The following MOB3B variants were observed in gnomAD, a reference collection of about 807,000 sequenced individuals.
MOB3B encodes the protein MOB kinase activator 3B, also known as MOB kinase activator-like 2B.
MOB3B carries 7 observed loss-of-function variants against 18.7 expected under a neutral mutation model. The observed-to-expected ratio is 0.37, with a 90% CI of 0.21 to 0.70. The LOEUF (loss-of-function observed/expected upper bound fraction) is 0.70, where lower values mean the gene tolerates loss of function less well. MOB3B is among the 30% of genes least tolerant of loss of function. The pLI, the probability that MOB3B is intolerant of heterozygous loss-of-function variation, is 0.52. For missense variants in MOB3B, 253 were observed against 281.3 expected, an observed-to-expected ratio of 0.90 and a Z score of 0.72; for synonymous variants, 111 against 99.9, an observed-to-expected ratio of 1.11 and a Z score of -0.66.
chr9:27,483,090 CA>C (rs1819684904), intron 1 of MOB3B, among the ~76,000 whole-genome samples: 1 of 146,314 alleles, frequency 6.8e-6, no homozygotes, highest in Non-Finnish European at 1.5e-5. Context: ...TGACAATTAC[CA>C]AATGTTTAAG....
At chr9:27,449,597 A>G (rs1342827991) in intron 2 of MOB3B, among the ~76,000 whole-genome samples, 4 of 152,352 alleles carry the variant, frequency 2.6e-5, no homozygotes, top group South Asian at 4.1e-4. Flanking sequence ...TACTGTAAAT[A>G]TATTTTGTTG....
chr9:27,403,555 C>T (rs1244435979), intron 2 of MOB3B, among the ~76,000 whole-genome samples: 1 of 101,722 alleles, frequency 9.8e-6, no homozygotes, highest in Non-Finnish European at 1.8e-5. Flanking sequence ...TTTTAAGAGA[C>T]AGGGTCTTAC....
intron 1 of MOB3B, among the ~76,000 whole-genome samples, chr9:27,524,101 A>C (rs1054048623): frequency 6.9e-6 from 1 of 144,774 alleles, no homozygotes; most frequent in Non-Finnish European, 1.5e-5. Context: ...CTCATTTTTC[A>C]GGGAAAAAAA....
intron 2 of MOB3B, among the ~76,000 whole-genome samples, chr9:27,426,479 C>T (rs544139671): frequency 2.0e-5 from 3 of 152,272 alleles, no homozygotes; most frequent in African/African-American, 7.2e-5. Flanking sequence ...ACACAGAGGT[C>T]CAGGCAGGTG....
intron 1 of MOB3B, among the ~76,000 whole-genome samples, chr9:27,463,843 C>T (rs1387211659): frequency 6.6e-6 from 1 of 151,972 alleles, no homozygotes; most frequent in Non-Finnish European, 1.5e-5. Flanking sequence ...GTAGTCCCAG[C>T]TACTTGGGAG....
Position 27,337,807 on chromosome 9 carries a change from G to A in MOB3B, c.622-7191C>T, listed in dbSNP as rs141700341. Among the ~76,000 whole-genome samples, 10 of 152,310 alleles carry A rather than the reference G, an allele frequency of 6.6e-5. No individual in the cohort carries two copies. The East Asian group carries it at 1.9e-3, about 29-fold the overall frequency. ...TGTTGTCAAAAGAATCCCAAGGCAAGGGCAGGTGTGCTTTCAGGGGCTGTG... is the reference window on the plus strand; with the variant it reads ...TGTTGTCAAAAGAATCCCAAGGCAAAGGCAGGTGTGCTTTCAGGGGCTGTG... On this transcript the variant is annotated intron_variant, in intron 3 of 3. Coordinates refer to ENST00000262244, the MANE Select transcript of MOB3B (RefSeq NM_024761.5).
chr9:27,510,048 T>C (rs1264229165), intron 1 of MOB3B, among the ~76,000 whole-genome samples: 1 of 152,166 alleles, frequency 6.6e-6, no homozygotes, highest in Non-Finnish European at 1.5e-5. Context: ...TGTAACAGAT[T>C]TGAGTAACAC....
chr9:27,359,388 G>GGGT, intron 2 of MOB3B, 152 bp from the exon 3 acceptor site: 1 of 600,398 alleles, frequency 1.7e-6, no homozygotes, highest in Non-Finnish European at 2.9e-6. Flanking sequence ...TGGGGGGGGG[G>GGGT]GGTTGGTAGC....
Position 27,441,400 on chromosome 9 carries a change from T to C in MOB3B, c.418+13733A>G, listed in dbSNP as rs74471540. On this transcript the variant is annotated intron_variant, in intron 2 of 3. Coordinates refer to ENST00000262244, the MANE Select transcript of MOB3B (RefSeq NM_024761.5). The stretch of plus-strand genomic sequence containing the variant: ...ATGGCTTCTCTTTGGCATATCTGAA[T>C]TGCTGGCATCACTACTCTTGCACTT... Among the ~76,000 whole-genome samples, 8 of 152,278 alleles carry C rather than the reference T, an allele frequency of 5.3e-5. No homozygotes were observed. The East Asian group carries it at 1.5e-3, about 29-fold the overall frequency.
intron 3 of MOB3B, among the ~76,000 whole-genome samples, chr9:27,357,888 C>CGA (rs1821215129): frequency 1.7e-5 from 1 of 57,944 alleles, no homozygotes; most frequent in Non-Finnish European, 3.2e-5. Flanking sequence ...CCCATCGCTA[C>CGA]AAAAAAAAAA....
At chr9:27,470,911 G>GT (rs1156276800) in intron 1 of MOB3B, among the ~76,000 whole-genome samples, 9 of 151,968 alleles carry the variant, frequency 5.9e-5, no homozygotes, top group Non-Finnish European at 5.9e-5. Flanking sequence ...TCTTTTGTTT[G>GT]TTTGTTTTTT....
chr9:27,349,834 T>G lies in MOB3B; in HGVS notation c.621+9200A>C, dbSNP rs371652368. 4.6e-5 allele frequency among the ~76,000 whole-genome samples: 7 copies of G among 152,256 alleles called. No homozygotes were observed. The East Asian group carries it at 9.7e-4, about 21-fold the overall frequency. The stretch of plus-strand genomic sequence containing the variant: ...GCTTAGCAAAGAGAAGCAACCATAC[T>G]AGGGGGCTTAAACAATGAACGGAAA... On this transcript the variant is annotated intron_variant, in intron 3 of 3. Coordinates refer to ENST00000262244, the MANE Select transcript of MOB3B (RefSeq NM_024761.5).
intron 2 of MOB3B, among the ~76,000 whole-genome samples, chr9:27,426,221 C>T (rs1335982335): frequency 6.6e-6 from 1 of 152,176 alleles, no homozygotes; most frequent in Non-Finnish European, 1.5e-5. Context: ...AGAGCCCACA[C>T]TCTTAATTTG....
intron 1 of MOB3B, among the ~76,000 whole-genome samples, chr9:27,492,484 G>T (rs1234056170): frequency 6.6e-6 from 1 of 152,216 alleles, no homozygotes; most frequent in Non-Finnish European, 1.5e-5. Flanking sequence ...CCAGCGAAAT[G>T]CTGCCCAAGT....
intron 2 of MOB3B, among the ~76,000 whole-genome samples, chr9:27,445,370 A>T (rs1332403968): frequency 6.6e-6 from 1 of 152,154 alleles, no homozygotes; most frequent in Non-Finnish European, 1.5e-5. Context: ...TTACGTAAGG[A>T]GAGGAGCAGA....
At chr9:27,468,723 T>G (rs779043224) in intron 1 of MOB3B, among the ~76,000 whole-genome samples, 2 of 152,238 alleles carry the variant, frequency 1.3e-5, no homozygotes, top group Non-Finnish European at 2.9e-5. Flanking sequence ...GTGGTTAAAC[T>G]GTGTATCTAA....
intron 3 of MOB3B, among the ~76,000 whole-genome samples, chr9:27,353,021 G>A (rs915638431): frequency 1.3e-5 from 2 of 152,146 alleles, no homozygotes; most frequent in Non-Finnish European, 2.9e-5. Context: ...GAGCTCTCTT[G>A]GCAAACACTG....
At chr9:27,441,462 C>T (rs1587216836) in intron 2 of MOB3B, among the ~76,000 whole-genome samples, 1 of 152,116 alleles carries the variant, frequency 6.6e-6, no homozygotes, top group Admixed American at 6.5e-5. Context: ...GTTCCTTGAA[C>T]ACAAGCTCTG....
chr9:27,461,787 G>A (rs1819292884), intron 1 of MOB3B, among the ~76,000 whole-genome samples: 1 of 152,184 alleles, frequency 6.6e-6, no homozygotes. Context: ...CACTGTAGCA[G>A]CAGCAACAGC....
Sources: gnomAD v4.1 joint callset for allele counts (sites outside exome capture counted in the v4.1 genomes callset) on GRCh38, gnomAD v4.1.1 for gene constraint, MANE v1.5 for transcripts, NCBI Gene and HGNC (gene_info 2026-07-23, HGNC 2026-07-21) for gene names.